The following CPVL variants were observed in gnomAD, a reference collection of about 807,000 sequenced individuals.
The protein encoded by CPVL is probable serine carboxypeptidase CPVL.
A neutral mutation model predicts 63.7 loss-of-function variants in CPVL; 51 were observed. That is an observed-to-expected ratio of 0.80 (90% CI 0.64 to 1.01). The LOEUF (loss-of-function observed/expected upper bound fraction) is 1.01, where lower values mean the gene tolerates loss of function less well. Among genes scored for constraint, CPVL ranks in the 50% least tolerant of loss-of-function variants. The probability of loss-of-function intolerance (pLI) is 0.00; values close to 1 mark genes in which losing one functional copy is unlikely to be tolerated. For synonymous variants in CPVL, 195 were observed against 206.0 expected (o/e 0.95, Z 0.46); for missense variants, 530 against 573.1 (o/e 0.92, Z 0.77).
intron 7 of CPVL, among the ~76,000 whole-genome samples, chr7:29,082,942 G>C (rs1455214098): frequency 2.0e-5 from 3 of 152,146 alleles, no homozygotes; most frequent in Admixed American, 2.0e-4. Flanking sequence ...GGTGGAGAAT[G>C]GGCATTTTCC....
At chr7:29,076,076 G>T (rs1257297615) in intron 7 of CPVL, among the ~76,000 whole-genome samples, 3 of 146,208 alleles carry the variant, frequency 2.1e-5, no homozygotes, top group African/African-American at 7.6e-5. Context: ...TAAATCAAGT[G>T]TGTTTTATTT....
intron 11 of CPVL, among the ~76,000 whole-genome samples, chr7:29,046,592 CAT>C (rs1350541101): frequency 3.0e-4 from 43 of 145,634 alleles, no homozygotes; most frequent in East Asian, 1.0e-3. Context: ...CACACACACA[CAT>C]ACTCATACAC....
At chr7:29,068,460 T>C (rs1025869696) in intron 9 of CPVL, among the ~76,000 whole-genome samples, 3 of 152,086 alleles carry the variant, frequency 2.0e-5, no homozygotes, top group Non-Finnish European at 4.4e-5. Context: ...ATGCTACCAT[T>C]GCTCAGGGCC....
At chr7:29,064,976 G>A (rs748710724) in intron 10 of CPVL, among the ~76,000 whole-genome samples, 13 of 151,178 alleles carry the variant, frequency 8.6e-5, no homozygotes, top group Non-Finnish European at 1.8e-4. Context: ...TATAATAAAG[G>A]GGAAAATATG....
At chr7:29,183,015 T>C (rs1489145529) in intron 4 of CPVL, among the ~76,000 whole-genome samples, 1 of 152,050 alleles carries the variant, frequency 6.6e-6, no homozygotes, top group Admixed American at 6.5e-5. Context: ...CAGAGCACCA[T>C]TGCTGCCCTC....
intron 6 of CPVL, among the ~76,000 whole-genome samples, chr7:29,089,102 C>A (rs1382898629): frequency 6.6e-6 from 1 of 152,172 alleles, no homozygotes; most frequent in Non-Finnish European, 1.5e-5. Context: ...ACCTTGCTGG[C>A]ATTGTGCTAA....
intron 9 of CPVL, among the ~76,000 whole-genome samples, chr7:29,069,629 C>T (rs537623829): frequency 6.6e-6 from 1 of 152,192 alleles, no homozygotes; most frequent in Admixed American, 6.5e-5. Context: ...TACAGAATGC[C>T]TGAAAATTAC....
chr7:29,068,283 G>A (rs1481376889), intron 9 of CPVL, among the ~76,000 whole-genome samples: 2 of 152,060 alleles, frequency 1.3e-5, no homozygotes, highest in Non-Finnish European at 2.9e-5. Context: ...CTAAAGTGCT[G>A]GGATTACAGG....
intron 5 of CPVL, among the ~76,000 whole-genome samples, chr7:29,164,315 T>G (rs1420289215): frequency 1.3e-5 from 2 of 152,190 alleles, no homozygotes; most frequent in Non-Finnish European, 1.5e-5. Flanking sequence ...GTCTATTTGA[T>G]TTTTGCACAG....
At chr7:29,032,029 A>G (rs958391017) in intron 11 of CPVL, among the ~76,000 whole-genome samples, 20 of 152,158 alleles carry the variant, frequency 1.3e-4, no homozygotes, top group African/African-American at 4.8e-4. Flanking sequence ...TGCAACTAAC[A>G]TATTAATTAT....
At chr7:29,013,225 T>C (rs1413969630) in intron 12 of CPVL, 2 of 152,316 alleles carry the variant, frequency 1.3e-5, no homozygotes, top group African/African-American at 2.4e-5. Flanking sequence ...GGAGATCATC[T>C]TGGATGTCCC....
At chr7:29,175,198 G>A (rs921238208) in intron 5 of CPVL, among the ~76,000 whole-genome samples, 19 of 149,844 alleles carry the variant, frequency 1.3e-4, no homozygotes, top group Admixed American at 4.0e-4. Flanking sequence ...TTTTTGAGAC[G>A]GGGCCTCTCT....
At chr7:29,148,689 C>T (rs1242391093), upstream of CPVL, 2 of 152,098 alleles carry the variant, frequency 1.3e-5, no homozygotes, top group East Asian at 1.9e-4. Flanking sequence ...TCGGATTTGT[C>T]GTGTGTCAGG....
intron 2 of CPVL, among the ~76,000 whole-genome samples, chr7:29,119,194 A>G (rs1220526780): frequency 1.3e-5 from 2 of 152,202 alleles, no homozygotes; most frequent in East Asian, 3.8e-4. Context: ...AAGCATTAAG[A>G]GCAGATACAG....
intron 3 of CPVL, among the ~76,000 whole-genome samples, chr7:29,098,162 G>A (rs757537892): frequency 1.2e-4 from 19 of 152,188 alleles, no homozygotes; most frequent in Admixed American, 3.9e-4. Flanking sequence ...GAAGGTCTGA[G>A]TGGATGCGTT....
intron 5 of CPVL, among the ~76,000 whole-genome samples, chr7:29,171,443 C>A (rs574858313): frequency 6.6e-6 from 1 of 152,086 alleles, no homozygotes; most frequent in Non-Finnish European, 1.5e-5. Flanking sequence ...TTAGAAGGAG[C>A]GCCACACCTC....
intron 9 of CPVL, 56 bp downstream of exon 9, chr7:29,071,713 GCCCT>G: frequency 5.1e-5 from 14 of 273,460 alleles, no homozygotes; most frequent in Non-Finnish European, 7.6e-5. Flanking sequence ...CTGCTCACCC[GCCCT>G]CCCTCCCCAG....
rs559287549 is a variant in CPVL at position 29,078,041 on chromosome 7, C to T, written c.610-5618G>A. ...GCTGGAATTTCAGTGTTGTGGTAAT[C>T]GCTATAACTTCCTAGACATTTCCAG... On this transcript the variant is annotated intron_variant, in intron 7 of 12. Coordinates refer to ENST00000265394, the MANE Select transcript of CPVL (RefSeq NM_031311.5). Among the ~76,000 whole-genome samples the T allele has an allele frequency of 1.1e-4, 16 of 152,194 alleles. No homozygotes were observed. The East Asian group carries it at 2.1e-3, about 20-fold the overall frequency.
At chr7:29,156,803 C>T (rs1326319621) in intron 5 of CPVL, among the ~76,000 whole-genome samples, 3 of 121,570 alleles carry the variant, frequency 2.5e-5, no homozygotes, top group African/African-American at 1.0e-4. Flanking sequence ...TCCAAGAAGT[C>T]ATAATTCTTT....
Sources: allele counts gnomAD v4.1 joint callset (sites outside exome capture counted in the v4.1 genomes callset), GRCh38; gene constraint gnomAD v4.1.1; transcripts MANE v1.5; gene names NCBI Gene and HGNC (gene_info 2026-07-23, HGNC 2026-07-21).